Variants in CNTNAP2 observed in about 807,000 individuals in gnomAD.
CNTNAP2 encodes the protein contactin-associated protein-like 2.
In CNTNAP2, 98 loss-of-function variants were observed where a neutral mutation model predicts 155.2. That is an observed-to-expected ratio of 0.63 (90% CI 0.54 to 0.75). The LOEUF (loss-of-function observed/expected upper bound fraction) is 0.75. CNTNAP2 is among the 30% of genes least tolerant of loss of function. The probability of loss-of-function intolerance (pLI) is 0.00; values close to 1 mark genes in which losing one functional copy is unlikely to be tolerated. For synonymous variants in CNTNAP2, 651 were observed against 631.2 expected (o/e 1.03, Z -0.47); for missense variants, 1,727 against 1,688.1 (o/e 1.02, Z -0.40).
intron 8 of CNTNAP2, among the ~76,000 whole-genome samples, chr7:147,171,063 T>A (rs116342226): frequency 4.6e-5 from 7 of 152,190 alleles, no homozygotes; most frequent in African/African-American, 1.7e-4. Flanking sequence ...CTATCAAATC[T>A]CCCAGGAGAT....
At chr7:147,447,217 T>C (rs959105088) in intron 10 of CNTNAP2, among the ~76,000 whole-genome samples, 1 of 152,178 alleles carries the variant, frequency 6.6e-6, no homozygotes, top group Non-Finnish European at 1.5e-5. Flanking sequence ...AGAGAATGCA[T>C]GCGTAAATAG....
chr7:146,133,888 G>A (rs1192578635), intron 1 of CNTNAP2, among the ~76,000 whole-genome samples: 1 of 151,942 alleles, frequency 6.6e-6, no homozygotes, highest in Non-Finnish European at 1.5e-5. Flanking sequence ...GATTGACTTG[G>A]CGATGCGGGC....
At chr7:148,216,478 G>A (rs1482491841) in intron 18 of CNTNAP2, among the ~76,000 whole-genome samples, 3 of 151,410 alleles carry the variant, frequency 2.0e-5, no homozygotes, top group Non-Finnish European at 2.9e-5. Flanking sequence ...TAAGGACGTA[G>A]GGCTTATAAA....
intron 13 of CNTNAP2, among the ~76,000 whole-genome samples, chr7:147,696,224 G>T (rs1384596882): frequency 6.6e-6 from 1 of 152,076 alleles, no homozygotes; most frequent in Non-Finnish European, 1.5e-5. Context: ...CTTGGGTTTG[G>T]TTTTGATTTT....
At chr7:146,931,291 A>G (rs1211619116) in intron 3 of CNTNAP2, among the ~76,000 whole-genome samples, 6 of 152,086 alleles carry the variant, frequency 3.9e-5, no homozygotes, top group Non-Finnish European at 5.9e-5. Context: ...CTCACTCAAA[A>G]CCGCTCAACT....
chr7:147,935,118 T>A (rs774134796), intron 14 of CNTNAP2, among the ~76,000 whole-genome samples: 8 of 152,138 alleles, frequency 5.3e-5, no homozygotes, highest in Non-Finnish European at 7.4e-5. Flanking sequence ...TTTAAAAGGT[T>A]TGAGTAAATC....
At chr7:147,245,918 T>C (rs1360779290) in intron 8 of CNTNAP2, among the ~76,000 whole-genome samples, 3 of 151,074 alleles carry the variant, frequency 2.0e-5, no homozygotes, top group East Asian at 3.9e-4. Context: ...TATACACATA[T>C]ATATGCACAC....
intron 1 of CNTNAP2, among the ~76,000 whole-genome samples, chr7:146,161,773 T>C (rs989754613): frequency 6.6e-6 from 1 of 152,174 alleles, no homozygotes; most frequent in African/African-American, 2.4e-5. Context: ...ACTGCAAGGC[T>C]ACAGTAACCA....
At chr7:147,978,343 ATATCAC>A (rs1801466991) in intron 15 of CNTNAP2, among the ~76,000 whole-genome samples, 3 of 152,154 alleles carry the variant, frequency 2.0e-5, no homozygotes, top group African/African-American at 4.8e-5. Context: ...ATGACTATTT[ATATCAC>A]CATAAACCGA....
At chr7:147,473,050 A>G (rs1798254359) in intron 10 of CNTNAP2, among the ~76,000 whole-genome samples, 1 of 152,180 alleles carries the variant, frequency 6.6e-6, no homozygotes, top group Admixed American at 6.5e-5. Flanking sequence ...AGAAACAGGG[A>G]TCAACTCAGG....
intron 13 of CNTNAP2, among the ~76,000 whole-genome samples, chr7:147,816,192 T>A (rs1798263539): frequency 6.6e-6 from 1 of 151,950 alleles, no homozygotes; most frequent in East Asian, 1.9e-4. Context: ...GAGTAGAGAG[T>A]GTCTTTAGCA....
intron 3 of CNTNAP2, among the ~76,000 whole-genome samples, chr7:147,032,558 C>T (rs1799056049): frequency 6.6e-6 from 1 of 152,100 alleles, no homozygotes; most frequent in Non-Finnish European, 1.5e-5. Context: ...CTATGTGGAA[C>T]AGTGCTCCTC....
chr7:147,093,065 A>G (rs1800445300), intron 4 of CNTNAP2, among the ~76,000 whole-genome samples: 1 of 76,154 alleles, frequency 1.3e-5, no homozygotes, highest in African/African-American at 7.4e-5. Context: ...TACTAAAAAT[A>G]CAAATACATA....
At chr7:146,395,779 T>TAGATGATAGAGAGATA (rs11462122) in intron 1 of CNTNAP2, among the ~76,000 whole-genome samples, 15,540 of 120,962 alleles carry the variant, frequency 0.13, 1,246 homozygotes, top group Admixed American at 0.22. Flanking sequence ...GATAGACAGA[T>TAGATGATAGAGAGATA]GATAGATAGA....
chr7:146,721,834 G>T (rs1370339435), intron 1 of CNTNAP2, among the ~76,000 whole-genome samples: 2 of 101,390 alleles, frequency 2.0e-5, no homozygotes, highest in Non-Finnish European at 1.7e-5. Context: ...ACTATATATA[G>T]TCTATATATA....
At chr7:146,750,605 G>C (rs186944) in intron 1 of CNTNAP2, among the ~76,000 whole-genome samples, 1 of 152,078 alleles carries the variant, frequency 6.6e-6, no homozygotes, top group Non-Finnish European at 1.5e-5. Flanking sequence ...AGCATTTGCC[G>C]AGGATTTTCT....
chr7:147,601,652 TA>T (rs1373191804), intron 12 of CNTNAP2, among the ~76,000 whole-genome samples: 1 of 95,192 alleles, frequency 1.1e-5, no homozygotes, highest in Non-Finnish European at 2.1e-5. Context: ...AAAATATATA[TA>T]TATATATATA....
chr7:146,996,713 C>T lies in CNTNAP2; in HGVS notation c.403-47194C>T, dbSNP rs568930064. On this transcript the variant is annotated intron_variant, in intron 3 of 23. Coordinates refer to ENST00000361727, the MANE Select transcript of CNTNAP2 (RefSeq NM_014141.6). ...AATTCCTTATATTACTTCCTTTTGCCTAATTGTTCTGGCTAGGACTTCTAG... is the reference window on the plus strand; with the variant it reads ...AATTCCTTATATTACTTCCTTTTGCTTAATTGTTCTGGCTAGGACTTCTAG... Among the ~76,000 whole-genome samples the T allele has an allele frequency of 3.5e-4, 53 of 152,008 alleles. No individual in the cohort carries two copies. In the Middle Eastern group the frequency reaches 0.01, roughly 29 times the overall value.
chr7:146,924,177 C>G (rs1414499139), intron 3 of CNTNAP2, among the ~76,000 whole-genome samples: 1 of 152,086 alleles, frequency 6.6e-6, no homozygotes. Context: ...GACACTCAGG[C>G]CTTGTCAGGT....
Sources: gnomAD v4.1 joint callset for allele counts (sites outside exome capture counted in the v4.1 genomes callset) on GRCh38, gnomAD v4.1.1 for gene constraint, MANE v1.5 for transcripts, NCBI Gene and HGNC (gene_info 2026-07-23, HGNC 2026-07-21) for gene names.